PATJ: variants seen among roughly 807,000 people sequenced by gnomAD.
PATJ encodes PATJ crumbs cell polarity complex component.
Under a neutral mutation model 224.9 loss-of-function variants are expected in PATJ, and 190 were observed. The ratio of observed to expected loss-of-function variants is 0.84; its 90% CI spans 0.75 to 0.95. The LOEUF is 0.95. Ranked by LOEUF, PATJ falls within the 40% of genes least tolerant of loss-of-function variation. The pLI, the probability that PATJ is intolerant of heterozygous loss-of-function variation, is 0.00. For synonymous variants in PATJ, 769 were observed against 820.3 expected (o/e 0.94, Z 1.07); for missense variants, 2,121 against 2,270.3 (o/e 0.93, Z 1.34).
rs1370775948 is a variant in PATJ, at chr1:62,125,250, AAAACAAAAAAAAAC to A, written c.5043+2196_5043+2209del. On this transcript the variant is annotated intron_variant, in intron 39 of 43. Transcript: ENST00000642238. ...AAACCCTGTCTCAAAAAAAAAAAAA[AAAACAAAAAAAAAC>A]AAAAAAAAAACGCCATTAGCTCTAT... 2.0e-3 allele frequency among the ~76,000 whole-genome samples: 212 copies of A among 103,654 alleles called. 20 individuals carry two copies. The highest frequency in any genetic ancestry group is 0.014 in the South Asian group (51 of 3,712). 68.0% of individuals were successfully genotyped at this position (103,654 alleles called of 152,430 possible).
chr1:61,785,436 G>A (rs887648804), intron 7 of PATJ, among the ~76,000 whole-genome samples: 1 of 152,192 alleles, frequency 6.6e-6, no homozygotes, highest in Non-Finnish European at 1.5e-5. Context: ...TCTTCGGTGA[G>A]CAACTTGGAT....
rs34621846 is a variant in PATJ, at chr1:62,123,469, CTTTTTTTTT to C, written c.5043+429_5043+437del. Among the ~76,000 whole-genome samples the C allele has an allele frequency of 1.1e-4, 7 of 64,564 alleles. No homozygotes were observed. In the East Asian group the frequency reaches 1.8e-3, roughly 17 times the overall value. The allele number at this position is 64,564 out of a possible 152,430, so 42.4% of individuals were successfully genotyped here. On this transcript the variant is annotated intron_variant, in intron 39 of 43. Coordinates refer to ENST00000642238, the MANE Select transcript of PATJ (RefSeq NM_001350145.3). ...CATCTTATGAATGTGCTATAAGTTT[CTTTTTTTTT>C]TTTTTTTTTTTTTTTTTGAGACAGA...
In PATJ at chr1:61,994,824, G is replaced by A. The variant is rs529742254; in HGVS notation, c.3867+4460G>A. On this transcript the variant is annotated intron_variant, in intron 28 of 43. Transcript: ENST00000642238. ...CTGCCTCAGCCTCTCAAAGTGCTGG[G>A]ATTACAGGGGTGAGCCACCATGCCC... 9.3e-4 allele frequency among the ~76,000 whole-genome samples: 142 copies of A among 152,274 alleles called. 2 individuals are homozygous for A. Among genetic ancestry groups the A allele is most frequent in the African/African-American group, 3.1e-3 (130 of 41,552 alleles).
At chr1:61,844,853 C>T (rs899167058) in intron 17 of PATJ, among the ~76,000 whole-genome samples, 2 of 152,114 alleles carry the variant, frequency 1.3e-5, no homozygotes, top group African/African-American at 4.8e-5. Flanking sequence ...CTCTCTCTCT[C>T]CTGCTGCTGT....
Position 61,979,379 on chromosome 1 carries a change from G to A in PATJ, c.3671-10789G>A, listed in dbSNP as rs552130167. Among the ~76,000 whole-genome samples the A allele has an allele frequency of 3.3e-5, 5 of 152,180 alleles. No homozygotes were observed. In the South Asian group the frequency reaches 6.2e-4, roughly 19 times the overall value. ...AACAACAAAAGACAGATTAGGCCAGGCGCGGTGGTTCAGGCCTGTAATCCC... is the reference window on the plus strand; with the variant it reads ...AACAACAAAAGACAGATTAGGCCAGACGCGGTGGTTCAGGCCTGTAATCCC... On this transcript the variant is annotated intron_variant, in intron 27 of 43. Transcript: ENST00000642238.
intron 22 of PATJ, 33 bp downstream of exon 22, chr1:61,884,441 T>TA: frequency 9.3e-7 from 1 of 1,076,812 alleles, no homozygotes; most frequent in Non-Finnish European, 1.2e-6. Context: ...TTTCACATTA[T>TA]AAAATAGTGG....
intron 33 of PATJ, among the ~76,000 whole-genome samples, chr1:62,090,189 T>C (rs552493290): frequency 1.4e-4 from 21 of 152,142 alleles, no homozygotes; most frequent in Non-Finnish European, 2.1e-4. Flanking sequence ...GGTGAACCTC[T>C]TGGGAAGGTT....
chr1:62,134,573 G>C (rs926493275), intron 41 of PATJ, among the ~76,000 whole-genome samples: 8 of 151,696 alleles, frequency 5.3e-5, no homozygotes, highest in African/African-American at 1.9e-4. Context: ...TCAAACTCCT[G>C]ACCTTAGGTG....
chr1:62,117,137 A>G lies in PATJ; in HGVS notation c.4809A>G (p.Ala1603=), dbSNP rs779253065. 5.0e-6 allele frequency: 8 copies of G among 1,613,840 alleles called. No individual in the cohort carries two copies. The South Asian group carries it at 8.8e-5, about 18-fold the overall frequency. ...QETVATILKC[A]QGLVQLEIGR... ...TCTTTTCTTGCCTTTCCAAGTGTGCACAGGGACTTGTGCAGCTAGAGATTG... is the reference window on the plus strand; with the variant it reads ...TCTTTTCTTGCCTTTCCAAGTGTGCGCAGGGACTTGTGCAGCTAGAGATTG... Residue 1603 remains alanine, a synonymous_variant, in exon 37 of 44, where the codon GCA becomes GCG. Coordinates refer to ENST00000642238, the MANE Select transcript of PATJ (RefSeq NM_001350145.3).
intron 32 of PATJ, 101 bp downstream of exon 32, chr1:62,079,668 G>C: frequency 1.3e-6 from 1 of 749,730 alleles, no homozygotes. Flanking sequence ...GCAGAAGTCT[G>C]ACTCTGGATA....
chr1:61,947,721 G>C (rs1449535536), intron 27 of PATJ, among the ~76,000 whole-genome samples: 1 of 152,060 alleles, frequency 6.6e-6, no homozygotes, highest in Non-Finnish European at 1.5e-5. Flanking sequence ...CTACTTTAAA[G>C]TTCATATGGA....
At chr1:61,923,408 T>G (rs1027273599) in intron 26 of PATJ, among the ~76,000 whole-genome samples, 1 of 152,220 alleles carries the variant, frequency 6.6e-6, no homozygotes, top group Non-Finnish European at 1.5e-5. Context: ...GTGCCCAGCA[T>G]GCTTTGGGAG....
At chr1:62,125,254 C>CAAAAAAAA (rs779305398) in intron 39 of PATJ, among the ~76,000 whole-genome samples, 7 of 71,422 alleles carry the variant, frequency 9.8e-5, no homozygotes, top group Non-Finnish European at 1.3e-4. Context: ...AAAAAAAAAA[C>CAAAAAAAA]AAAAAAAAAC....
chr1:62,159,610 G>A (rs1168220318), intron 43 of PATJ, among the ~76,000 whole-genome samples: 3 of 148,538 alleles, frequency 2.0e-5, no homozygotes, highest in Non-Finnish European at 4.4e-5. Context: ...CCAGTCTGGA[G>A]TGCAGTGGCA....
In PATJ at chr1:62,101,242, G is replaced by A. The variant is rs536858835; in HGVS notation, c.4378-7195G>A. ...TCTTAGGAATGGAGACGTTAACACAGTAGTTTCTTTTCTTTTCTTTTTTTT... is the reference window on the plus strand; with the variant it reads ...TCTTAGGAATGGAGACGTTAACACAATAGTTTCTTTTCTTTTCTTTTTTTT... On this transcript the variant is annotated intron_variant, in intron 33 of 43. Transcript: ENST00000642238. Among the ~76,000 whole-genome samples the A allele has an allele frequency of 1.3e-4, 19 of 150,184 alleles. No individual in the cohort carries two copies. In the East Asian group the frequency reaches 3.7e-3, roughly 29 times the overall value.
At chr1:61,832,180 A>T (rs534682070) in intron 16 of PATJ, among the ~76,000 whole-genome samples, 1 of 152,218 alleles carries the variant, frequency 6.6e-6, no homozygotes, top group African/African-American at 2.4e-5. Flanking sequence ...ACTTGGGGGT[A>T]GAGGGTAGAA....
intron 8 of PATJ, 67 bp downstream of exon 8, chr1:61,788,039 A>G (rs1648949915): frequency 7.6e-7 from 1 of 1,310,506 alleles, no homozygotes; most frequent in South Asian, 1.2e-5. Context: ...AAGATAAGAA[A>G]TTCTTTCAAC....
chr1:61,755,863 A>T (rs930457701), intron 1 of PATJ, among the ~76,000 whole-genome samples: 1 of 152,146 alleles, frequency 6.6e-6, no homozygotes, highest in Non-Finnish European at 1.5e-5. Flanking sequence ...GCGCAGTGGC[A>T]TGATCTCGGC....
At chr1:62,132,529 T>C (rs188418300) in intron 41 of PATJ, among the ~76,000 whole-genome samples, 26 of 151,858 alleles carry the variant, frequency 1.7e-4, no homozygotes, top group Non-Finnish European at 3.5e-4. Flanking sequence ...TAGTTGCTTT[T>C]AGGGAGTAAG....
Sources: gnomAD v4.1 joint callset for allele counts (sites outside exome capture counted in the v4.1 genomes callset) on GRCh38, gnomAD v4.1.1 for gene constraint, MANE v1.5 for transcripts, NCBI Gene and HGNC (gene_info 2026-07-23, HGNC 2026-07-21) for gene names.